Variants in KCND2 observed in about 807,000 individuals in gnomAD.
The protein encoded by KCND2 is potassium voltage-gated channel subfamily D member 2, also known as A-type voltage-gated potassium channel KCND2.
A neutral mutation model predicts 54.4 loss-of-function variants in KCND2; 16 were observed. The ratio of observed to expected loss-of-function variants is 0.29; its 90% confidence interval spans 0.20 to 0.45. KCND2 has a LOEUF of 0.45. KCND2 is among the 20% of genes least tolerant of loss of function. The probability of loss-of-function intolerance (pLI) is 1.00; values close to 1 mark genes in which losing one functional copy is unlikely to be tolerated. For synonymous variants in KCND2, 317 were observed against 310.7 expected, an observed-to-expected ratio of 1.02 and a Z score of -0.21; for missense variants, 486 against 824.2, an observed-to-expected ratio of 0.59 and a Z score of 5.02.
chr7:120,729,502 T>C (rs1276794592), intron 1 of KCND2, among the ~76,000 whole-genome samples: 2 of 152,154 alleles, frequency 1.3e-5, no homozygotes, highest in African/African-American at 4.8e-5. Context: ...ACATGAGAAA[T>C]TGCAGGACAG....
At chr7:120,640,614 A>G (rs1199256775) in intron 1 of KCND2, among the ~76,000 whole-genome samples, 1 of 152,170 alleles carries the variant, frequency 6.6e-6, no homozygotes, top group Non-Finnish European at 1.5e-5. Context: ...ATTTTTAAGT[A>G]TCAAATGTCC....
chr7:120,394,966 A>G (rs1442251494), intron 1 of KCND2, among the ~76,000 whole-genome samples: 2 of 152,044 alleles, frequency 1.3e-5, no homozygotes, highest in Non-Finnish European at 2.9e-5. Flanking sequence ...TGTCAGAAAC[A>G]TGCTACTCTA....
rs577364698 is a variant in KCND2 at position 120,668,630 on chromosome 7, A to G, written c.1116-64273A>G. 5.9e-5 allele frequency among the ~76,000 whole-genome samples: 9 copies of G among 152,240 alleles called. No individual in the cohort carries two copies. In the East Asian group the frequency reaches 1.3e-3, roughly 23 times the overall value. On this transcript the variant is annotated intron_variant, in intron 1 of 5. Coordinates refer to ENST00000331113, the MANE Select transcript of KCND2 (RefSeq NM_012281.3). ...GGTCTAATAAAATTTTAATAGAAAT[A>G]TGTTTAATGACTTTAACTTACTGCT...
rs138304576 is a variant in KCND2 at position 120,442,988 on chromosome 7, G to A, written c.1115+167241G>A. Among the ~76,000 whole-genome samples, 58 of 152,140 alleles carry A rather than the reference G, an allele frequency of 3.8e-4. No individual in the cohort carries two copies. The East Asian group carries it at 0.011, about 28-fold the overall frequency. On this transcript the variant is annotated intron_variant, in intron 1 of 5. Coordinates refer to ENST00000331113, the MANE Select transcript of KCND2 (RefSeq NM_012281.3). ...ATAGAGTGCAAGAGTTTGCATGCAG[G>A]TATGTGCTTGAATTTGTCTGTGTAT...
intron 1 of KCND2, among the ~76,000 whole-genome samples, chr7:120,645,738 T>C (rs1793432348): frequency 2.0e-5 from 3 of 152,190 alleles, no homozygotes; most frequent in Admixed American, 2.0e-4. Flanking sequence ...CATACTAATA[T>C]TGGATTCTGT....
chr7:120,693,310 G>A (rs773359858), intron 1 of KCND2, among the ~76,000 whole-genome samples: 23 of 151,976 alleles, frequency 1.5e-4, no homozygotes, highest in South Asian at 1.0e-3. Context: ...CTTCCGCTTC[G>A]TACTTAACAG....
chr7:120,551,392 T>A (rs1483876599), intron 1 of KCND2, among the ~76,000 whole-genome samples: 1 of 152,208 alleles, frequency 6.6e-6, no homozygotes, highest in Non-Finnish European at 1.5e-5. Flanking sequence ...TAAATAGTTA[T>A]TGTGACCTTC....
chr7:120,748,836 C>G lies in KCND2; in HGVS notation c.*978C>G, dbSNP rs1348857952. 1 of 151,916 alleles carries G rather than the reference C, an allele frequency of 6.6e-6. No individual in the cohort carries two copies. The highest frequency in any genetic ancestry group is 1.9e-4 in the East Asian group (1 of 5,198). 9.4% of individuals were successfully genotyped at this position (151,916 alleles called of 1,614,324 possible). A position where few individuals can be genotyped will look rare whatever the true frequency, so the allele number is the denominator to read the frequency against. ...CTGTTCTTGTATTTCTATAGCACCT[C>G]TCTATTGGGTTTATCATCATCAACA... On this transcript the variant is annotated 3_prime_UTR_variant, in exon 6 of 6. Coordinates refer to ENST00000331113, the MANE Select transcript of KCND2 (RefSeq NM_012281.3).
At chr7:120,669,201 A>T (rs972747855) in intron 1 of KCND2, among the ~76,000 whole-genome samples, 5 of 152,104 alleles carry the variant, frequency 3.3e-5, no homozygotes, top group African/African-American at 9.7e-5. Flanking sequence ...CACATGTTTA[A>T]AAGTGAAGTC....
intron 1 of KCND2, among the ~76,000 whole-genome samples, chr7:120,457,377 G>A (rs10808192): frequency 0.17 from 25,843 of 152,044 alleles, 2,842 homozygotes; most frequent in East Asian, 0.56. Context: ...AAACTTTCAT[G>A]CTCTGCTCCC....
chr7:120,601,900 G>A (rs987463540), intron 1 of KCND2, among the ~76,000 whole-genome samples: 3 of 152,162 alleles, frequency 2.0e-5, no homozygotes, highest in Non-Finnish European at 4.4e-5. Flanking sequence ...CACGTGTGAG[G>A]CCAATATAGA....
chr7:120,322,596 C>T (rs1224788272), intron 1 of KCND2, among the ~76,000 whole-genome samples: 1 of 152,046 alleles, frequency 6.6e-6, no homozygotes. Flanking sequence ...AGATGTTATG[C>T]ATATTTCAGA....
chr7:120,470,422 C>T (rs956770426), intron 1 of KCND2, among the ~76,000 whole-genome samples: 1 of 152,160 alleles, frequency 6.6e-6, no homozygotes, highest in African/African-American at 2.4e-5. Flanking sequence ...GCCTTGCCTT[C>T]TCATCTAGGT....
intron 1 of KCND2, among the ~76,000 whole-genome samples, chr7:120,480,595 A>T (rs915627925): frequency 1.1e-4 from 16 of 152,146 alleles, no homozygotes; most frequent in Non-Finnish European, 2.1e-4. Flanking sequence ...ATTGCAGGAG[A>T]GGGTTCTCTG....
At chr7:120,727,510 A>G (rs569143517) in intron 1 of KCND2, among the ~76,000 whole-genome samples, 2 of 152,322 alleles carry the variant, frequency 1.3e-5, no homozygotes, top group Admixed American at 6.5e-5. Flanking sequence ...TTGCATGAAA[A>G]TTTTTGATAA....
At chr7:120,414,403 A>T (rs1005879801) in intron 1 of KCND2, among the ~76,000 whole-genome samples, 19 of 152,162 alleles carry the variant, frequency 1.2e-4, no homozygotes, top group Admixed American at 1.2e-3. Context: ...CTATTTTGTT[A>T]TTATGGATCA....
intron 1 of KCND2, among the ~76,000 whole-genome samples, chr7:120,592,580 A>G (rs1334720597): frequency 3.3e-5 from 5 of 152,200 alleles, no homozygotes; most frequent in Non-Finnish European, 5.9e-5. Context: ...CAGTCTATCA[A>G]TTAATTATAC....
At chr7:120,404,297 CATT>C (rs1014125144) in intron 1 of KCND2, among the ~76,000 whole-genome samples, 1 of 152,108 alleles carries the variant, frequency 6.6e-6, no homozygotes, top group Non-Finnish European at 1.5e-5. Context: ...GAGACCCTCT[CATT>C]AGTGCCATAG....
At chr7:120,612,619 C>T (rs1792970646) in intron 1 of KCND2, among the ~76,000 whole-genome samples, 1 of 152,186 alleles carries the variant, frequency 6.6e-6, no homozygotes. Flanking sequence ...TCCACAGGCA[C>T]ACACTAAGAT....
Sources: allele counts gnomAD v4.1 joint callset (sites outside exome capture counted in the v4.1 genomes callset), GRCh38; gene constraint gnomAD v4.1.1; transcripts MANE v1.5; gene names NCBI Gene and HGNC (gene_info 2026-07-23, HGNC 2026-07-21).